Variants in GALNT18 observed in about 807,000 individuals in gnomAD.
The protein encoded by GALNT18 is GalNAc-transferase 18.
A neutral mutation model predicts 69.5 loss-of-function variants in GALNT18; 44 were observed. That is an observed-to-expected ratio of 0.63 (90% CI 0.50 to 0.81). The LOEUF is 0.81. Ranked by LOEUF, GALNT18 falls within the 40% of genes least tolerant of loss-of-function variation. GALNT18 has a pLI of 0.00. For missense variants in GALNT18, 715 were observed against 810.0 expected, an observed-to-expected ratio of 0.88 and a Z score of 1.42; for synonymous variants, 364 against 318.2, an observed-to-expected ratio of 1.14 and a Z score of -1.53.
At position 11,372,705 on chromosome 11, in the gene GALNT18, C is replaced by T; in HGVS notation, c.978-76G>A. The T allele has an allele frequency of 1.8e-6, 2 of 1,110,550 alleles. No individual in the cohort carries two copies. The highest frequency in any genetic ancestry group is 2.7e-6 in the Non-Finnish European group (2 of 741,038). The allele number at this position is 1,110,550 out of a possible 1,614,324, so 68.8% of individuals were successfully genotyped here. On this transcript the variant is annotated intron_variant, in intron 5 of 10. Coordinates refer to ENST00000227756, the MANE Select transcript of GALNT18 (RefSeq NM_198516.3). The surrounding 1 kb of genome is among the most constrained non-coding windows in gnomAD (Gnocchi z 4.9). Reference sequence around the variant, plus strand: ...AGTAAGAGCAGTAAGGCCTTCCTATCAGGAGGGTCTGGTTCTCTTCCTTCC... The same window carrying T: ...AGTAAGAGCAGTAAGGCCTTCCTATTAGGAGGGTCTGGTTCTCTTCCTTCC...
chr11:11,276,316 T>C (rs1012131118), intron 10 of GALNT18, among the ~76,000 whole-genome samples: 1 of 148,248 alleles, frequency 6.7e-6, no homozygotes, highest in Non-Finnish European at 1.5e-5. Flanking sequence ...TGTTCACTCA[T>C]GATTTGGCTG....
At chr11:11,557,280 T>G (rs903222632) in intron 1 of GALNT18, among the ~76,000 whole-genome samples, 1 of 152,230 alleles carries the variant, frequency 6.6e-6, no homozygotes, top group African/African-American at 2.4e-5. Flanking sequence ...GGGTTTTTTA[T>G]ATGCAATAAT....
Position 11,590,400 on chromosome 11 carries a change from GGTAA to G in GALNT18, c.235+30955_235+30958del, listed in dbSNP as rs1859327258. On this transcript the variant is annotated intron_variant, in intron 1 of 10. Transcript: ENST00000227756. This position sits in a 1 kb window ranked among gnomAD's most constrained non-coding sequence, Gnocchi z 4.4. ...CAAGGAACTTCCACATTGCTTGTTG[GGTAA>G]GTGAGGGATATTTTCATTGTACTGG... 6.6e-6 allele frequency among the ~76,000 whole-genome samples: 1 copy of G among 152,202 alleles called. No homozygotes were observed. Among genetic ancestry groups the G allele is most frequent in the African/African-American group, 2.4e-5 (1 of 41,446 alleles).
rs932086250 is a variant in GALNT18, at chr11:11,314,018, G to A, written c.1512+13068C>T. ...TTTGTTACTTTATTTAATAGCACCC[G>A]CCCCCATTTTACTGATCAGGGAGGC... On this transcript the variant is annotated intron_variant, in intron 9 of 10. Transcript: ENST00000227756. The surrounding 1 kb of genome is among the most constrained non-coding windows in gnomAD (Gnocchi z 5.2). Among the ~76,000 whole-genome samples the A allele has an allele frequency of 2.0e-5, 3 of 152,080 alleles. No individual in the cohort carries two copies. Among genetic ancestry groups the A allele is most frequent in the Non-Finnish European group, 2.9e-5 (2 of 67,998 alleles).
chr11:11,378,263 G>A (rs1300626660), intron 4 of GALNT18, among the ~76,000 whole-genome samples: 1 of 152,186 alleles, frequency 6.6e-6, no homozygotes, highest in East Asian at 1.9e-4. Flanking sequence ...CACTCCCCGG[G>A]GGCACAGGTT....
At chr11:11,326,600 G>C (rs1177056275) in intron 9 of GALNT18, among the ~76,000 whole-genome samples, 1 of 152,198 alleles carries the variant, frequency 6.6e-6, no homozygotes, top group Non-Finnish European at 1.5e-5. Flanking sequence ...AAGGTCAGAA[G>C]AAGAGCTGGA....
chr11:11,394,220 G>C (rs111886526), intron 3 of GALNT18, among the ~76,000 whole-genome samples: 1 of 152,158 alleles, frequency 6.6e-6, no homozygotes, highest in Non-Finnish European at 1.5e-5. Flanking sequence ...GATGGATGAA[G>C]GGGCTTTCCT....
intron 9 of GALNT18, among the ~76,000 whole-genome samples, chr11:11,305,200 C>A (rs1849559221): frequency 6.6e-6 from 1 of 152,102 alleles, no homozygotes; most frequent in African/African-American, 2.4e-5. Context: ...TCTTGGTAGA[C>A]TGCTAATGTT....
At chr11:11,379,346 G>A in intron 3 of GALNT18, 82 bp from the exon 4 acceptor site, 1 of 1,364,522 alleles carries the variant, frequency 7.3e-7, no homozygotes, top group Non-Finnish European at 1.0e-6. Flanking sequence ...CTCTTTTAGT[G>A]ATGACCCCCA....
At chr11:11,342,719 A>T (rs1170533280) in intron 6 of GALNT18, among the ~76,000 whole-genome samples, 1 of 152,228 alleles carries the variant, frequency 6.6e-6, no homozygotes, top group Non-Finnish European at 1.5e-5. Context: ...GCAGCAAAAC[A>T]TGGTGGGTGG....
In GALNT18 at chr11:11,470,917, A is replaced by G. The variant is rs1284407642; in HGVS notation, c.236-21981T>C. On this transcript the variant is annotated intron_variant, in intron 1 of 10. Transcript: ENST00000227756. The surrounding 1 kb of genome is among the most constrained non-coding windows in gnomAD (Gnocchi z 4.8). ...TCCCCCTCCTAAAAACCTTTGCCTGAGAATCAAACGTCCTGCCAAATGGCT... is the reference window on the plus strand; with the variant it reads ...TCCCCCTCCTAAAAACCTTTGCCTGGGAATCAAACGTCCTGCCAAATGGCT... 6.6e-6 allele frequency among the ~76,000 whole-genome samples: 1 copy of G among 152,146 alleles called. No homozygotes were observed. Among genetic ancestry groups the G allele is most frequent in the Non-Finnish European group, 1.5e-5 (1 of 68,020 alleles).
chr11:11,350,423 C>T (rs1850378620), intron 6 of GALNT18, among the ~76,000 whole-genome samples: 1 of 152,134 alleles, frequency 6.6e-6, no homozygotes, highest in African/African-American at 2.4e-5. Flanking sequence ...TCGTGGTTAC[C>T]TCAAATCTCA....
At chr11:11,477,189 G>C (rs572164716) in intron 1 of GALNT18, among the ~76,000 whole-genome samples, 48 of 152,348 alleles carry the variant, frequency 3.2e-4, no homozygotes, top group African/African-American at 1.0e-3. Flanking sequence ...GCCAAACCCA[G>C]AACCCATGGA....
chr11:11,597,523 C>T (rs954307793), intron 1 of GALNT18, among the ~76,000 whole-genome samples: 1 of 152,096 alleles, frequency 6.6e-6, no homozygotes, highest in Non-Finnish European at 1.5e-5. Context: ...TGGTAGTTTG[C>T]ATCAGTCTAA....
intron 1 of GALNT18, among the ~76,000 whole-genome samples, chr11:11,520,065 C>T (rs994746760): frequency 2.0e-5 from 3 of 152,354 alleles, no homozygotes; most frequent in South Asian, 2.1e-4. Context: ...GGAGCACAAC[C>T]GCCTTCCTCC....
In GALNT18 at chr11:11,621,582, G is replaced by A. The variant is rs1338989783; in HGVS notation, c.12C>T (p.Thr4=). ...TGGACACCAAAGTTTTGGTCTTCCT[G>A]GTGCACACCATTCTGGGCTCCTTCC... is the stretch of plus-strand genomic sequence containing the variant. The part of the protein sequence containing the change: MVC[T]RKTKTLVSTC... Residue 4 remains threonine (T), a synonymous_variant, in exon 1 of 11, where the codon ACC becomes ACT. Transcript: ENST00000227756. The surrounding 1 kb of genome is among the most constrained non-coding windows in gnomAD (Gnocchi z 9.3). The A allele has an allele frequency of 1.2e-6, 2 of 1,600,242 alleles. No homozygotes were observed. The highest frequency in any genetic ancestry group is 1.3e-5 in the African/African-American group (1 of 74,552).
chr11:11,615,636 C>T (rs1860025565), intron 1 of GALNT18, among the ~76,000 whole-genome samples: 1 of 152,092 alleles, frequency 6.6e-6, no homozygotes, highest in African/African-American at 2.4e-5. Flanking sequence ...TCCTCTTTTC[C>T]TGAAACAGTT....
rs1849481864 is a variant in GALNT18, at chr11:11,300,830, G to A, written c.1513-7637C>T. The stretch of plus-strand genomic sequence containing the variant: ...TAAAACCTATAAACCACAGTCTCAG[G>A]GACTGGGGCCTGGGCACGGGGATTT... On this transcript the variant is annotated intron_variant, in intron 9 of 10. Coordinates refer to ENST00000227756, the MANE Select transcript of GALNT18 (RefSeq NM_198516.3). 3.3e-5 allele frequency among the ~76,000 whole-genome samples: 5 copies of A among 152,184 alleles called. No homozygotes were observed. The South Asian group carries it at 1.0e-3, about 32-fold the overall frequency.
At position 11,470,640 on chromosome 11, in the gene GALNT18, G is replaced by A. The variant is rs1024087211; in HGVS notation, c.236-21704C>T. ...GCTAGCTGAGATATTGGCAGAGACA[G>A]GGGATTGACTGAAAGACCCCTTTCA... On this transcript the variant is annotated intron_variant, in intron 1 of 10. Coordinates refer to ENST00000227756, the MANE Select transcript of GALNT18 (RefSeq NM_198516.3). This position sits in a 1 kb window ranked among gnomAD's most constrained non-coding sequence, Gnocchi z 4.8. Among the ~76,000 whole-genome samples the A allele has an allele frequency of 2.0e-5, 3 of 152,104 alleles. No homozygotes were observed. The highest frequency in any genetic ancestry group is 2.4e-5 in the African/African-American group (1 of 41,408).
Sources: allele counts gnomAD v4.1 joint callset (sites outside exome capture counted in the v4.1 genomes callset), GRCh38; gene constraint gnomAD v4.1.1; non-coding constraint Gnocchi (gnomAD v3.1); transcripts MANE v1.5; gene names NCBI Gene and HGNC (gene_info 2026-07-23, HGNC 2026-07-21).